The following PDE4D variants were observed in gnomAD, a reference collection of about 807,000 sequenced individuals.
The protein encoded by PDE4D is 3',5'-cyclic-AMP phosphodiesterase 4D.
PDE4D carries 24 observed loss-of-function variants against 87.4 expected under a neutral mutation model. The observed-to-expected ratio is 0.27, with a 90% CI of 0.20 to 0.39. The LOEUF (loss-of-function observed/expected upper bound fraction) is 0.39, where lower values mean the gene tolerates loss of function less well. Ranked by LOEUF, PDE4D falls within the 10% of genes least tolerant of loss-of-function variation. The pLI is 1.00. For synonymous variants in PDE4D, 384 were observed against 383.2 expected, an observed-to-expected ratio of 1.00 and a Z score of -0.02; for missense variants, 714 against 1,041.0, an observed-to-expected ratio of 0.69 and a Z score of 4.32.
chr5:60,113,113 A>T (rs148467585), intron 2 of PDE4D, among the ~76,000 whole-genome samples: 231 of 152,156 alleles, frequency 1.5e-3, no homozygotes, highest in African/African-American at 5.4e-3. Flanking sequence ...TTTATACTCC[A>T]ATAATCAGGG....
chr5:59,013,065 G>GAA lies in PDE4D; in HGVS notation c.922-19601_922-19600insTT, dbSNP rs1554045622. The stretch of plus-strand genomic sequence containing the variant: ...TGAATGACTACTGGGTACATAATGC[G>GAA]ATGAAGGCAGAAATAAAGATGTTCT... On this transcript the variant is annotated intron_variant, in intron 6 of 14. Coordinates refer to ENST00000340635, the MANE Select transcript of PDE4D (RefSeq NM_001104631.2). Among the ~76,000 whole-genome samples, 5 of 152,150 alleles carry GAA rather than the reference G, an allele frequency of 3.3e-5. No homozygotes were observed. The East Asian group carries it at 5.8e-4, about 18-fold the overall frequency.
chr5:59,765,159 T>C (rs557332319), intron 1 of PDE4D, among the ~76,000 whole-genome samples: 62 of 152,230 alleles, frequency 4.1e-4, no homozygotes, highest in African/African-American at 1.5e-3. Context: ...GGAGCAAAAA[T>C]TCAAGTTGTA....
chr5:59,958,975 A>G (rs1759166491), intron 3 of PDE4D, among the ~76,000 whole-genome samples: 1 of 152,178 alleles, frequency 6.6e-6, no homozygotes, highest in South Asian at 2.1e-4. Flanking sequence ...CCTAGACCTG[A>G]TAATGACTTC....
chr5:59,114,335 C>T (rs1279381513), intron 5 of PDE4D, among the ~76,000 whole-genome samples: 6 of 151,968 alleles, frequency 3.9e-5, no homozygotes, highest in South Asian at 2.1e-4. Flanking sequence ...GCTTTTATGA[C>T]GTATTTTTAT....
At chr5:59,305,807 T>G (rs1309850596) in intron 1 of PDE4D, among the ~76,000 whole-genome samples, 1 of 152,176 alleles carries the variant, frequency 6.6e-6, no homozygotes, top group Non-Finnish European at 1.5e-5. Context: ...TAAGGCTCAT[T>G]TTATGGCCTA....
At chr5:60,009,701 T>C (rs977535247) in intron 2 of PDE4D, among the ~76,000 whole-genome samples, 3 of 152,104 alleles carry the variant, frequency 2.0e-5, no homozygotes, top group African/African-American at 7.2e-5. Flanking sequence ...GTTCACAGCA[T>C]TTAAAATGCA....
At chr5:59,298,149 C>G (rs565234954) in intron 1 of PDE4D, among the ~76,000 whole-genome samples, 33 of 139,424 alleles carry the variant, frequency 2.4e-4, no homozygotes, top group Non-Finnish European at 3.4e-4. Context: ...CAGAGTGTCA[C>G]TCTGTTGTCT....
At chr5:60,152,073 T>A (rs1781557089) in intron 2 of PDE4D, among the ~76,000 whole-genome samples, 2 of 152,210 alleles carry the variant, frequency 1.3e-5, no homozygotes, top group South Asian at 4.1e-4. Context: ...TGCTGAACCA[T>A]CTTTGCATTC....
At chr5:60,003,607 G>T (rs1319229692) in intron 2 of PDE4D, among the ~76,000 whole-genome samples, 1 of 151,498 alleles carries the variant, frequency 6.6e-6, no homozygotes, top group Non-Finnish European at 1.5e-5. Context: ...CTACTAGAGA[G>T]GCTGAGGCAG....
chr5:59,992,195 C>T (rs978621960), intron 2 of PDE4D, among the ~76,000 whole-genome samples: 8 of 152,170 alleles, frequency 5.3e-5, no homozygotes, highest in African/African-American at 1.4e-4. Flanking sequence ...GAGCCACAGA[C>T]TGAAAACAGC....
chr5:60,005,914 G>GTTA (rs2152841574), intron 2 of PDE4D, among the ~76,000 whole-genome samples: 1 of 151,894 alleles, frequency 6.6e-6, no homozygotes, highest in African/African-American at 2.4e-5. Flanking sequence ...ATTTCGATCT[G>GTTA]TTAACCTTAG....
At chr5:59,413,953 T>C (rs1280149510) in intron 1 of PDE4D, among the ~76,000 whole-genome samples, 1 of 152,200 alleles carries the variant, frequency 6.6e-6, no homozygotes, top group Non-Finnish European at 1.5e-5. Flanking sequence ...CATATATATA[T>C]CTGTGCATAT....
chr5:59,394,729 C>A (rs1165333122), intron 1 of PDE4D, among the ~76,000 whole-genome samples: 1 of 152,110 alleles, frequency 6.6e-6, no homozygotes, highest in Non-Finnish European at 1.5e-5. Flanking sequence ...CAGGAGGAGC[C>A]AAGATGGCCG....
intron 1 of PDE4D, among the ~76,000 whole-genome samples, chr5:59,517,867 CA>C (rs1441744343): frequency 2.0e-5 from 3 of 152,108 alleles, no homozygotes; most frequent in African/African-American, 7.2e-5. Context: ...TTGCTCTTGA[CA>C]GTATTTTACA....
At chr5:59,310,106 C>T (rs1402698536) in intron 1 of PDE4D, among the ~76,000 whole-genome samples, 3 of 152,184 alleles carry the variant, frequency 2.0e-5, no homozygotes, top group Non-Finnish European at 4.4e-5. Flanking sequence ...ACTGAGTAGA[C>T]CTAAGTCACT....
At chr5:59,021,185 C>T (rs751373969) in intron 6 of PDE4D, among the ~76,000 whole-genome samples, 7 of 152,130 alleles carry the variant, frequency 4.6e-5, no homozygotes, top group African/African-American at 1.2e-4. Flanking sequence ...CTACAGGAGA[C>T]CCTCTCAACT....
intron 2 of PDE4D, among the ~76,000 whole-genome samples, chr5:60,028,416 C>T (rs1766874743): frequency 6.6e-6 from 1 of 152,254 alleles, no homozygotes; most frequent in South Asian, 2.1e-4. Flanking sequence ...GTTTCTACAG[C>T]CACTATCCTG....
chr5:60,003,725 AAAG>A (rs1311093591), intron 2 of PDE4D, among the ~76,000 whole-genome samples: 55 of 150,538 alleles, frequency 3.7e-4, no homozygotes, highest in African/African-American at 8.8e-4. Flanking sequence ...AAAAAAAAAA[AAAG>A]AAGAAGAAGA....
At chr5:60,440,078 C>T (rs548020806) in intron 1 of PDE4D, among the ~76,000 whole-genome samples, 35 of 152,168 alleles carry the variant, frequency 2.3e-4, no homozygotes, top group African/African-American at 8.4e-4. Context: ...CTAAATGTGC[C>T]AAGCTCTTTC....
Sources: gnomAD v4.1 joint callset for allele counts (sites outside exome capture counted in the v4.1 genomes callset) on GRCh38, gnomAD v4.1.1 for gene constraint, MANE v1.5 for transcripts, NCBI Gene and HGNC (gene_info 2026-07-23, HGNC 2026-07-21) for gene names.